The following PASD1 variants were observed in gnomAD, a reference collection of about 807,000 sequenced individuals.
The protein encoded by PASD1 is circadian clock protein PASD1.
Under a neutral mutation model 58.8 loss-of-function variants are expected in PASD1, and 13 were observed. That is an observed-to-expected ratio of 0.22 (90% CI 0.14 to 0.35). PASD1 has a LOEUF of 0.35. PASD1 is among the 10% of genes least tolerant of loss of function. PASD1 has a pLI of 1.00. For synonymous variants in PASD1, 236 were observed against 216.7 expected (o/e 1.09, Z -0.78); for missense variants, 734 against 568.3 (o/e 1.29, Z -2.96).
Position 151,613,705 on chromosome X carries a change from TAAG to T in PASD1, c.207+1953_207+1955del, listed in dbSNP as rs779097698. The stretch of plus-strand genomic sequence containing the variant: ...ACTTTGCTGAAATTGCTTATCAGCT[TAAG>T]GAGGTTTTGGGGTATTTTCAGAAGC... On this transcript the variant is annotated intron_variant, in intron 4 of 15. Transcript: ENST00000370357. Among the ~76,000 whole-genome samples the T allele has an allele frequency of 6.3e-5, 7 of 111,921 alleles. No individual in the cohort carries two copies. In the South Asian group the frequency reaches 2.3e-3, roughly 36 times the overall value.
At chrX:151,599,324 T>G (rs1278682707) in intron 1 of PASD1, among the ~76,000 whole-genome samples, 2 of 113,118 alleles carry the variant, frequency 1.8e-5, no homozygotes, top group Non-Finnish European at 3.8e-5. Context: ...CCGTTCTCAA[T>G]GAGCTGTTGG....
intron 1 of PASD1, among the ~76,000 whole-genome samples, chrX:151,582,219 C>T (rs1415985843): frequency 1.8e-5 from 2 of 110,613 alleles, no homozygotes; most frequent in Non-Finnish European, 3.8e-5. Flanking sequence ...CTCCTGACCT[C>T]GTGATCCACC....
At chrX:151,577,717 G>A (rs1211228497) in intron 1 of PASD1, among the ~76,000 whole-genome samples, 2 of 111,091 alleles carry the variant, frequency 1.8e-5, no homozygotes, top group East Asian at 5.7e-4. Flanking sequence ...TAGTAGAGAC[G>A]GGGTTTCACC....
intron 1 of PASD1, among the ~76,000 whole-genome samples, chrX:151,577,024 A>G (rs1356328449): frequency 9.0e-6 from 1 of 111,603 alleles, no homozygotes; most frequent in Non-Finnish European, 1.9e-5. Flanking sequence ...CTGTAAATAT[A>G]TTTTTTGAAA....
intron 9 of PASD1, among the ~76,000 whole-genome samples, chrX:151,651,274 G>C (rs946252042): frequency 1.8e-5 from 2 of 112,061 alleles, no homozygotes; most frequent in African/African-American, 6.5e-5. Flanking sequence ...GATGAGTGTA[G>C]GTGACTTATG....
chrX:151,614,026 C>T (rs1317822146), intron 4 of PASD1, among the ~76,000 whole-genome samples: 1 of 109,354 alleles, frequency 9.1e-6, no homozygotes, highest in African/African-American at 3.3e-5. Context: ...CTCTTGTCAC[C>T]CAGGCTGGAG....
intron 1 of PASD1, among the ~76,000 whole-genome samples, chrX:151,567,025 CAA>C (rs1425436587): frequency 1.9e-5 from 2 of 105,266 alleles, no homozygotes; most frequent in African/African-American, 6.9e-5. Flanking sequence ...GCCTGGGCAA[CAA>C]GAGTGAAACT....
chrX:151,608,566 C>T (rs2013514886), intron 3 of PASD1, among the ~76,000 whole-genome samples: 1 of 111,492 alleles, frequency 9.0e-6, no homozygotes, highest in Admixed American at 9.5e-5. Context: ...TGTTTACTTT[C>T]CTGTTTAAAA....
At chrX:151,652,369 T>C (rs1467672198) in intron 9 of PASD1, among the ~76,000 whole-genome samples, 2 of 109,367 alleles carry the variant, frequency 1.8e-5, no homozygotes, top group African/African-American at 6.6e-5. Flanking sequence ...CCGTCTCTAC[T>C]AAAAAATACA....
intron 13 of PASD1, 118 bp downstream of exon 13, chrX:151,671,897 C>T: frequency 3.6e-6 from 3 of 839,291 alleles, no homozygotes; most frequent in South Asian, 2.6e-5. Context: ...AATTTATTTG[C>T]CCAAGATAGT....
At chrX:151,635,761 G>T (rs1198001373) in intron 8 of PASD1, among the ~76,000 whole-genome samples, 1 of 86,659 alleles carries the variant, frequency 1.2e-5, no homozygotes, top group Non-Finnish European at 2.3e-5. Flanking sequence ...GCTTTGAATG[G>T]AGAAGCCCGT....
intron 8 of PASD1, among the ~76,000 whole-genome samples, chrX:151,629,223 G>A (rs1167155691): frequency 5.4e-5 from 6 of 111,108 alleles, no homozygotes; most frequent in Admixed American, 3.8e-4. Context: ...GGGTTCAAGC[G>A]ATTCTCCTGC....
Position 151,629,434 on chromosome X carries a change from G to A in PASD1, c.629+3904G>A, listed in dbSNP as rs149081966. Among the ~76,000 whole-genome samples, 897 of 111,488 alleles carry A rather than the reference G, an allele frequency of 8.0e-3. 7 individuals carry two copies. The highest frequency in any genetic ancestry group is 0.027 in the African/African-American group (841 of 30,637). On this transcript the variant is annotated intron_variant, in intron 8 of 15. Coordinates refer to ENST00000370357, the MANE Select transcript of PASD1 (RefSeq NM_173493.3). ...CGACCAGCCAGAATCTAAATTTTACGTGAATCTTCAGTGTTTTATGTTTGG... is the reference window on the plus strand; with the variant it reads ...CGACCAGCCAGAATCTAAATTTTACATGAATCTTCAGTGTTTTATGTTTGG...
At chrX:151,565,590 C>G (rs1395522646) in intron 1 of PASD1, among the ~76,000 whole-genome samples, 1 of 95,217 alleles carries the variant, frequency 1.1e-5, no homozygotes, top group Non-Finnish European at 2.0e-5. Context: ...GACGGAGTCT[C>G]GCTCTCAACC....
At chrX:151,616,487 CA>C (rs1233393531) in intron 4 of PASD1, among the ~76,000 whole-genome samples, 1 of 74,804 alleles carries the variant, frequency 1.3e-5, no homozygotes, top group Non-Finnish European at 2.6e-5. Flanking sequence ...TTTTCCCAAT[CA>C]TTGATTTCAT....
chrX:151,567,720 C>CTGTTT (rs961332870), intron 1 of PASD1, among the ~76,000 whole-genome samples: 30 of 111,596 alleles, frequency 2.7e-4, no homozygotes, highest in African/African-American at 9.1e-4. Context: ...TCTTTTTGTT[C>CTGTTT]TGTTTTGTTT....
In PASD1 at chrX:151,578,265, T is replaced by G. The variant is rs998613027; in HGVS notation, c.-28+14426T>G. 2.7e-5 allele frequency: 3 copies of G among 112,421 alleles called. No homozygotes were observed. In the East Asian group the frequency reaches 8.4e-4, roughly 31 times the overall value. The allele number at this position is 112,421 out of a possible 1,213,427, so 9.3% of individuals were successfully genotyped here. A position where few individuals can be genotyped will look rare whatever the true frequency, so the allele number is the denominator to read the frequency against. On this transcript the variant is annotated intron_variant, in intron 1 of 15. Transcript: ENST00000370357. ...AAGGAACACTTAATACCTATTTTTA[T>G]TTTTGCTTAATCCTGTTAACATCTT...
chrX:151,610,510 A>G (rs187879716), intron 3 of PASD1, among the ~76,000 whole-genome samples: 1 of 111,761 alleles, frequency 8.9e-6, no homozygotes, highest in Non-Finnish European at 1.9e-5. Flanking sequence ...GATAATTCCA[A>G]TAAGTTATTT....
At chrX:151,638,317 A>C (rs758975261) in intron 8 of PASD1, among the ~76,000 whole-genome samples, 1 of 109,922 alleles carries the variant, frequency 9.1e-6, no homozygotes, top group African/African-American at 3.3e-5. Flanking sequence ...TGGGGGAGAG[A>C]TAGCATTAGG....
Sources: gnomAD v4.1 joint callset for allele counts (sites outside exome capture counted in the v4.1 genomes callset) on GRCh38, gnomAD v4.1.1 for gene constraint, MANE v1.5 for transcripts, NCBI Gene and HGNC (gene_info 2026-07-23, HGNC 2026-07-21) for gene names.